The following TGM3 variants were observed in gnomAD, a reference collection of about 807,000 sequenced individuals.
TGM3 encodes the protein protein-glutamine gamma-glutamyltransferase E.
Under a neutral mutation model 73.8 loss-of-function variants are expected in TGM3, and 52 were observed. The observed-to-expected ratio is 0.70, with a 90% CI of 0.56 to 0.89. The LOEUF (loss-of-function observed/expected upper bound fraction) is 0.89. TGM3 is among the 40% of genes least tolerant of loss of function. The pLI is 0.00. For missense variants in TGM3, 928 were observed against 909.9 expected, an observed-to-expected ratio of 1.02 and a Z score of -0.26; for synonymous variants, 372 against 354.9, an observed-to-expected ratio of 1.05 and a Z score of -0.54.
At chr20:2,330,262 C>T (rs2084313072) in intron 9 of TGM3, among the ~76,000 whole-genome samples, 3 of 152,236 alleles carry the variant, frequency 2.0e-5, no homozygotes. Context: ...GAAGCTTAGT[C>T]TTGAGTAAAC....
intron 7 of TGM3, among the ~76,000 whole-genome samples, chr20:2,317,850 T>C (rs2084242748): frequency 6.6e-6 from 1 of 151,672 alleles, no homozygotes; most frequent in South Asian, 2.1e-4. Flanking sequence ...TACATTTGTT[T>C]CATTTCAAGT....
chr20:2,317,455 A>C lies in TGM3; in HGVS notation c.953A>C (p.Asn318Thr), dbSNP rs2084240768. 6.2e-7 allele frequency: 1 copy of C among 1,614,090 alleles called. No homozygotes were observed. The highest frequency in any genetic ancestry group is 1.7e-5 in the Admixed American group (1 of 60,018). Reference sequence around the variant, plus strand: ...GATGTGTACTACGACCCCATGGGAAACCCCCTGGACAAGGGTAGTGATAGC... The same window carrying C: ...GATGTGTACTACGACCCCATGGGAACCCCCCTGGACAAGGGTAGTGATAGC... ...SVDVYYDPMGNPLDKGSDSVW... is the reference protein window; with the variant it reads ...SVDVYYDPMGTPLDKGSDSVW... Residue 318 changes from asparagine (N) to threonine (T), a missense_variant, in exon 7 of 13, where the codon AAC (asparagine) becomes ACC (threonine). By Grantham distance (65) the Asn-to-Thr change is moderately conservative (BLOSUM62 0). Transcript: ENST00000381458.
rs760405976 is a variant in TGM3 at position 2,317,500 on chromosome 20, T to C, written c.983+15T>C. The stretch of plus-strand genomic sequence containing the variant: ...GATAGCGTATGGTAAGTATCTCACC[T>C]TTTCCCTGAACTTCGAGCACCACAT... On this transcript the variant is annotated intron_variant, in intron 7 of 12. Transcript: ENST00000381458. 2 of 1,613,266 alleles carry C rather than the reference T, an allele frequency of 1.2e-6. No individual in the cohort carries two copies. Among genetic ancestry groups the C allele is most frequent in the East Asian group, 2.2e-5 (1 of 44,852 alleles).
At chr20:2,308,577 G>A (rs951058062) in intron 1 of TGM3, among the ~76,000 whole-genome samples, 2 of 152,168 alleles carry the variant, frequency 1.3e-5, no homozygotes, top group African/African-American at 4.8e-5. Context: ...GTCATTCATG[G>A]CCTTTGACCT....
chr20:2,309,777 T>C lies in TGM3; in HGVS notation c.128T>C (p.Ile43Thr). The C allele has an allele frequency of 6.2e-7, 1 of 1,614,182 alleles. No homozygotes were observed. The highest frequency in any genetic ancestry group is 8.5e-7 in the Non-Finnish European group (1 of 1,180,032). ...GGCCAAAACTTCCAGGTCTTAATGA[T>C]CATGAACAAAGGCCTTGGCTCTAAC... The part of the protein sequence containing the change: ...RRGQNFQVLM[I>T]MNKGLGSNER... The change falls in exon 2 of 13, where the codon ATC becomes ACC. Residue 43 changes from isoleucine (I) to threonine (T), a missense_variant. By Grantham distance (89) the Ile-to-Thr change is moderately conservative. Coordinates refer to ENST00000381458, the MANE Select transcript of TGM3 (RefSeq NM_003245.4).
rs1434311635 is a variant in TGM3 at position 2,334,876 on chromosome 20, C to T, written c.1643-240C>T. Among the ~76,000 whole-genome samples, 1 of 152,170 alleles carries T rather than the reference C, an allele frequency of 6.6e-6. No homozygotes were observed. The highest frequency in any genetic ancestry group is 6.5e-5 in the Admixed American group (1 of 15,284). On this transcript the variant is annotated intron_variant, in intron 10 of 12. Coordinates refer to ENST00000381458, the MANE Select transcript of TGM3 (RefSeq NM_003245.4). The surrounding 1 kb of genome is among the most constrained non-coding windows in gnomAD (Gnocchi z 4.0). ...GCGGTATCTTTAGCCCCTGTGAGCC[C>T]ATCCTCCTGGGAATCTGCCCAGCCA... is the stretch of plus-strand genomic sequence containing the variant.
intron 1 of TGM3, among the ~76,000 whole-genome samples, chr20:2,308,494 G>A (rs186294646): frequency 8.5e-5 from 13 of 152,294 alleles, no homozygotes; most frequent in Middle Eastern, 3.4e-3. Flanking sequence ...GTTTAGCTCC[G>A]TCATCTTCAC....
intron 4 of TGM3, among the ~76,000 whole-genome samples, chr20:2,312,396 CAAAAAAAAAAA>C (rs57369938): frequency 3.3e-5 from 2 of 60,478 alleles, no homozygotes; most frequent in Non-Finnish European, 5.9e-5. Flanking sequence ...GACTCCGTCT[CAAAAAAAAAAA>C]AAAAAAAAAA....
At chr20:2,318,980 T>C (rs2084249677) in intron 7 of TGM3, among the ~76,000 whole-genome samples, 1 of 152,200 alleles carries the variant, frequency 6.6e-6, no homozygotes, top group Non-Finnish European at 1.5e-5. Flanking sequence ...CAATGGATTC[T>C]GGGGTTTTAC....
chr20:2,340,741 T>C lies in TGM3; in HGVS notation c.*160T>C. On this transcript the variant is annotated 3_prime_UTR_variant, in exon 13 of 13. Transcript: ENST00000381458. The stretch of plus-strand genomic sequence containing the variant: ...CAGGCTCCAGCACATCCCCCTCTCC[T>C]CTCCCCCAGGTTGGGGCTGGGTCCA... The C allele has an allele frequency of 1.1e-6, 1 of 948,878 alleles. No individual in the cohort carries two copies. Among genetic ancestry groups the C allele is most frequent in the South Asian group, 1.4e-5 (1 of 69,462 alleles). 58.8% of individuals were successfully genotyped at this position (948,878 alleles called of 1,614,324 possible). A position where few individuals can be genotyped will look rare whatever the true frequency, so the allele number is the denominator to read the frequency against.
intron 8 of TGM3, among the ~76,000 whole-genome samples, chr20:2,327,239 G>A (rs1033501394): frequency 6.6e-6 from 1 of 152,130 alleles, no homozygotes; most frequent in Non-Finnish European, 1.5e-5. Context: ...GGGAGGCCGA[G>A]GTGGGTGGAT....
chr20:2,303,653 G>T (rs867781895), intron 1 of TGM3, among the ~76,000 whole-genome samples: 1 of 152,138 alleles, frequency 6.6e-6, no homozygotes, highest in Non-Finnish European at 1.5e-5. Flanking sequence ...CATGGCCACC[G>T]AGCCAGAGTG....
At chr20:2,323,902 TG>T (rs1219398819) in intron 7 of TGM3, among the ~76,000 whole-genome samples, 1 of 152,252 alleles carries the variant, frequency 6.6e-6, no homozygotes, top group Non-Finnish European at 1.5e-5. Flanking sequence ...TTTATGGGCA[TG>T]TTTTTCTTTT....
In TGM3 at chr20:2,334,417, C is replaced by T. The variant is rs2084337026; in HGVS notation, c.1643-699C>T. On this transcript the variant is annotated intron_variant, in intron 10 of 12. Transcript: ENST00000381458. The surrounding 1 kb of genome is among the most constrained non-coding windows in gnomAD (Gnocchi z 4.0). Reference sequence around the variant, plus strand: ...ACAGAACAAAACGAAAAACAGCTTTCCAAAGCTTTGTCTGGCTGGTGTGTG... The same window carrying T: ...ACAGAACAAAACGAAAAACAGCTTTTCAAAGCTTTGTCTGGCTGGTGTGTG... Among the ~76,000 whole-genome samples the T allele has an allele frequency of 6.6e-6, 1 of 152,152 alleles. No individual in the cohort carries two copies. The highest frequency in any genetic ancestry group is 2.1e-4 in the South Asian group (1 of 4,830).
Position 2,328,288 on chromosome 20 carries a change from T to C in TGM3, c.1256T>C (p.Ile419Thr). The C allele has an allele frequency of 1.9e-6, 3 of 1,614,122 alleles. No individual in the cohort carries two copies. The highest frequency in any genetic ancestry group is 1.1e-5 in the South Asian group (1 of 91,084). The change falls in exon 9 of 13, where the codon ATT becomes ACT. Residue 419 changes from isoleucine (I) to threonine (T), a missense_variant. By Grantham distance (89) the Ile-to-Thr change is moderately conservative. Transcript: ENST00000381458. This position sits in a 1 kb window ranked among gnomAD's most constrained non-coding sequence, Gnocchi z 5.2. ...QWKNSVNSHT[I>T]GRYISTKAVG... is the part of the protein sequence containing the mutation. ...AAGAATTCCGTGAACAGTCACACCA[T>C]TGGCAGGTACATCAGCACCAAGGCG...
intron 7 of TGM3, among the ~76,000 whole-genome samples, chr20:2,320,365 G>A (rs546073911): frequency 3.4e-4 from 52 of 152,278 alleles, no homozygotes; most frequent in Admixed American, 6.5e-4. Flanking sequence ...CACAAATGAC[G>A]TAGGCATTGT....
intron 1 of TGM3, among the ~76,000 whole-genome samples, chr20:2,298,797 C>T (rs1381725081): frequency 6.6e-6 from 1 of 152,078 alleles, no homozygotes; most frequent in African/African-American, 2.4e-5. Flanking sequence ...GCACTGGGAC[C>T]AAGGCAATAT....
intron 11 of TGM3, 142 bp from the exon 12 acceptor site, chr20:2,339,712 C>T: frequency 9.0e-7 from 1 of 1,113,472 alleles, no homozygotes; most frequent in South Asian, 1.5e-5. Flanking sequence ...GTGCCTGGCA[C>T]CTAGGAGGGC....
Position 2,333,047 on chromosome 20 carries a change from G to A in TGM3, c.1642+737G>A, listed in dbSNP as rs45481197. 8.2e-3 allele frequency among the ~76,000 whole-genome samples: 1,255 copies of A among 152,342 alleles called. 9 individuals are homozygous for A. The highest frequency in any genetic ancestry group is 0.061 in the Middle Eastern group (18 of 294). On this transcript the variant is annotated intron_variant, in intron 10 of 12. Coordinates refer to ENST00000381458, the MANE Select transcript of TGM3 (RefSeq NM_003245.4). ...AAGGGAACAAGGTGGAGCAGATAAA[G>A]GTTGTGCTGTGGAAGGATTAGAATG...
Sources: gnomAD v4.1 joint callset for allele counts (sites outside exome capture counted in the v4.1 genomes callset) on GRCh38, gnomAD v4.1.1 for gene constraint, Gnocchi (gnomAD v3.1) non-coding constraint, MANE v1.5 for transcripts, NCBI Gene and HGNC (gene_info 2026-07-23, HGNC 2026-07-21) for gene names.